The following NR4A1 variants were observed in gnomAD, a reference collection of about 807,000 sequenced individuals.
The protein encoded by NR4A1 is nuclear receptor subfamily 4 group A member 1.
Under a neutral mutation model 47.5 loss-of-function variants are expected in NR4A1, and 24 were observed. The ratio of observed to expected loss-of-function variants is 0.50; its 90% CI spans 0.37 to 0.71. NR4A1 has a LOEUF of 0.71. Ranked by LOEUF, NR4A1 falls within the 30% of genes least tolerant of loss-of-function variation. NR4A1 has a pLI of 0.00. For missense variants in NR4A1, 669 were observed against 788.6 expected, an observed-to-expected ratio of 0.85 and a Z score of 1.82; for synonymous variants, 353 against 345.7, an observed-to-expected ratio of 1.02 and a Z score of -0.24.
intron 4 of NR4A1, 105 bp downstream of exon 4, chr12:52,056,750 G>A (rs1349134129): frequency 1.6e-6 from 1 of 635,822 alleles, no homozygotes; most frequent in Non-Finnish European, 2.4e-6. Flanking sequence ...AATGAGAAAG[G>A]AGGTTTAAAA....
At chr12:52,032,062 C>T (rs1938139747) in intron 1 of NR4A1, among the ~76,000 whole-genome samples, 2 of 152,130 alleles carry the variant, frequency 1.3e-5, no homozygotes. Context: ...TCCCAAAGTG[C>T]TGGGATTACA....
intron 3 of NR4A1, 87 bp downstream of exon 3, chr12:52,056,246 G>A: frequency 6.7e-7 from 1 of 1,497,736 alleles, no homozygotes; most frequent in Admixed American, 2.3e-5. Flanking sequence ...TGCCCTGGAG[G>A]ACCCAGAGGA....
Position 52,057,121 on chromosome 12 carries a change from A to G in NR4A1, c.1223A>G (p.Asp408Gly). 6.2e-7 allele frequency: 1 copy of G among 1,613,670 alleles called. No homozygotes were observed. Among genetic ancestry groups the G allele is most frequent in the Non-Finnish European group, 8.5e-7 (1 of 1,179,824 alleles). ...EDAGDVQQFY[D>G]LLSGSLEVIR... Reference sequence around the variant, plus strand: ...GCTGGGGATGTACAGCAGTTCTACGACCTGCTCTCCGGTTCTCTGGAGGTC... The same window carrying G: ...GCTGGGGATGTACAGCAGTTCTACGGCCTGCTCTCCGGTTCTCTGGAGGTC... The change falls in exon 5 of 7, where the codon GAC (aspartate) becomes GGC (glycine). Residue 408 changes from aspartate to glycine, a missense_variant. Physicochemically the swap from Asp to Gly is moderately conservative, Grantham distance 94 (BLOSUM62 -1). Coordinates refer to ENST00000394825, the MANE Select transcript of NR4A1 (RefSeq NM_173157.3).
chr12:52,051,497 G>A lies in NR4A1; in HGVS notation c.-74G>A. 1 of 985,680 alleles carries A rather than the reference G, an allele frequency of 1.0e-6. No homozygotes were observed. The highest frequency in any genetic ancestry group is 1.2e-6 in the Non-Finnish European group (1 of 830,092). 61.1% of individuals were successfully genotyped at this position (985,680 alleles called of 1,614,324 possible). On this transcript the variant is annotated 5_prime_UTR_variant, in exon 1 of 7. Coordinates refer to ENST00000394825, the MANE Select transcript of NR4A1 (RefSeq NM_173157.3). ...GGGAGTGCACAGAAGAACTTCGGGA[G>A]CGCACGCGGGACCAGGGACCAGGCT... is the stretch of plus-strand genomic sequence containing the variant.
intron 1 of NR4A1, chr12:52,038,479 G>T: frequency 2.0e-6 from 1 of 508,146 alleles, no homozygotes; most frequent in South Asian, 2.3e-5. Context: ...TAGTATTAGG[G>T]GCACATTGGG....
chr12:52,049,094 C>G (rs1470087228), upstream of NR4A1, among the ~76,000 whole-genome samples: 1 of 152,102 alleles, frequency 6.6e-6, no homozygotes, highest in African/African-American at 2.4e-5. Context: ...CAGGTTCTGA[C>G]CAGATGACTG....
intron 1 of NR4A1, among the ~76,000 whole-genome samples, chr12:52,028,846 T>A (rs1278556773): frequency 1.3e-5 from 2 of 152,160 alleles, no homozygotes; most frequent in African/African-American, 4.8e-5. Context: ...GAGGTTGCAG[T>A]GAGCCAAGAT....
intron 1 of NR4A1, among the ~76,000 whole-genome samples, chr12:52,027,919 T>C (rs1446838351): frequency 6.6e-6 from 1 of 152,102 alleles, no homozygotes; most frequent in Non-Finnish European, 1.5e-5. Context: ...ATTATTATGT[T>C]GGTCAGGTGC....
At chr12:52,042,486 G>A (rs1938477161) in intron 2 of NR4A1, among the ~76,000 whole-genome samples, 1 of 152,138 alleles carries the variant, frequency 6.6e-6, no homozygotes, top group Non-Finnish European at 1.5e-5. Flanking sequence ...GGAAGGCAGG[G>A]ACAGCCCTTC....
In NR4A1 at chr12:52,033,038, G is replaced by A. The variant is rs569187873; in HGVS notation, c.-83-8772G>A. 1.7e-3 allele frequency among the ~76,000 whole-genome samples: 265 copies of A among 152,336 alleles called. 1 individual carries two copies. Among genetic ancestry groups the A allele is most frequent in the African/African-American group, 6.1e-3 (255 of 41,582 alleles). On this transcript the variant is annotated intron_variant, in intron 1 of 7. Transcript: ENST00000360284. ...CGCCCGTGCTATTGGTCGGAGGGGC[G>A]GCACCGTAGCCAATGGTGTGCAGGG...
intron 1 of NR4A1, among the ~76,000 whole-genome samples, chr12:52,034,830 C>A (rs1297182125): frequency 6.6e-6 from 1 of 152,210 alleles, no homozygotes; most frequent in Non-Finnish European, 1.5e-5. Context: ...GGATGTACAG[C>A]TTCAAGACAA....
chr12:52,052,239 G>A (rs928351411), intron 1 of NR4A1, among the ~76,000 whole-genome samples: 1 of 151,068 alleles, frequency 6.6e-6, no homozygotes, highest in Non-Finnish European at 1.5e-5. Context: ...TAAGCACAGG[G>A]AGAATTGATT....
At position 52,055,167 on chromosome 12, in the gene NR4A1, G is replaced by C. The variant is rs762939531; in HGVS notation, c.839G>C (p.Gly280Ala). 2.5e-6 allele frequency: 4 copies of C among 1,613,824 alleles called. No individual in the cohort carries two copies. The Admixed American group carries it at 6.7e-5, about 27-fold the overall frequency. Residue 280 changes from glycine to alanine, a missense_variant, in exon 2 of 7, where the codon GGT (glycine) becomes GCT (alanine). By Grantham distance (60) the Gly-to-Ala change is moderately conservative (BLOSUM62 0). Coordinates refer to ENST00000394825, the MANE Select transcript of NR4A1 (RefSeq NM_173157.3). ...CGDNASCQHYGVRTCEGCKGF... is the reference protein window; with the variant it reads ...CGDNASCQHYAVRTCEGCKGF... ...GACAACGCTTCATGCCAGCATTATG[G>C]TGTCCGCACATGTGAGGGCTGCAAG...
chr12:52,057,138 C>T lies in NR4A1; in HGVS notation c.1240C>T (p.Leu414=), dbSNP rs776774371. Residue 414 remains leucine (L), a synonymous_variant, in exon 5 of 7, where the codon CTG becomes TTG. Coordinates refer to ENST00000394825, the MANE Select transcript of NR4A1 (RefSeq NM_173157.3). ...GTTCTACGACCTGCTCTCCGGTTCT[C>T]TGGAGGTCATCCGCAAGTGGGCGGA... ...QQFYDLLSGS[L]EVIRKWAEKI... is the part of the protein sequence containing the mutation. 4.4e-5 allele frequency: 71 copies of T among 1,613,962 alleles called. 1 individual carries two copies. In the Middle Eastern group the frequency reaches 4.9e-4, roughly 11 times the overall value.
At chr12:52,045,657 C>T (rs529638446) in intron 2 of NR4A1, 27 of 351,796 alleles carry the variant, frequency 7.7e-5, no homozygotes, top group African/African-American at 5.1e-4. Context: ...ACACATCAGG[C>T]TTGCTAGCTC....
intron 2 of NR4A1, chr12:52,055,590 C>T (rs113132842): frequency 3.6e-5 from 17 of 475,618 alleles, no homozygotes; most frequent in South Asian, 7.6e-5. Context: ...AGGATCCCTG[C>T]GGAGGGTTTG....
upstream of NR4A1, among the ~76,000 whole-genome samples, chr12:52,047,542 A>G (rs1471196083): frequency 3.3e-5 from 5 of 152,184 alleles, no homozygotes; most frequent in Non-Finnish European, 5.9e-5. Context: ...GAGCACCCCC[A>G]CCATCTCCCA....
intron 4 of NR4A1, 105 bp from the exon 5 acceptor site, chr12:52,056,952 A>T: frequency 9.1e-7 from 1 of 1,101,800 alleles, no homozygotes; most frequent in Non-Finnish European, 1.3e-6. Flanking sequence ...TCTCAGATCC[A>T]CTCCCACTCC....
chr12:52,051,348 G>A (rs1038057883), upstream of NR4A1: 7 of 981,550 alleles, frequency 7.1e-6, no homozygotes, highest in East Asian at 4.5e-4. Flanking sequence ...GCCCTTGTAT[G>A]GCCAAAGCTC....
Sources: allele counts gnomAD v4.1 joint callset (sites outside exome capture counted in the v4.1 genomes callset), GRCh38; gene constraint gnomAD v4.1.1; transcripts MANE v1.5; gene names NCBI Gene and HGNC (gene_info 2026-07-23, HGNC 2026-07-21).